HIBADH: variants seen among roughly 807,000 people sequenced by gnomAD.
HIBADH encodes 3-hydroxyisobutyrate dehydrogenase, mitochondrial.
HIBADH carries 25 observed loss-of-function variants against 36.1 expected under a neutral mutation model. The ratio of observed to expected loss-of-function variants is 0.69; its 90% confidence interval spans 0.50 to 0.97. HIBADH has a LOEUF of 0.97. Ranked by LOEUF, HIBADH falls within the 50% of genes least tolerant of loss-of-function variation. The probability of loss-of-function intolerance (pLI) is 0.00; values close to 1 mark genes in which losing one functional copy is unlikely to be tolerated. For missense variants in HIBADH, 421 were observed against 418.0 expected, an observed-to-expected ratio of 1.01 and a Z score of -0.06; for synonymous variants, 160 against 149.5, an observed-to-expected ratio of 1.07 and a Z score of -0.51.
In HIBADH at chr7:27,599,499, G is replaced by A. The variant is rs531047323; in HGVS notation, c.484+29872C>T. ...AGATCGAGACGATCCTGGCTAACAC[G>A]GTGAAACCCCACCTCTACTAAAAAT... On this transcript the variant is annotated intron_variant, in intron 4 of 7. Coordinates refer to ENST00000265395, the MANE Select transcript of HIBADH (RefSeq NM_152740.4). Among the ~76,000 whole-genome samples the A allele has an allele frequency of 4.6e-5, 7 of 151,834 alleles. No homozygotes were observed. In the South Asian group the frequency reaches 1.2e-3, roughly 27 times the overall value.
chr7:27,546,687 G>A (rs1290384982), intron 4 of HIBADH, among the ~76,000 whole-genome samples: 1 of 152,136 alleles, frequency 6.6e-6, no homozygotes, highest in Admixed American at 6.5e-5. Context: ...ATAGTGAATG[G>A]GAAAGACAAG....
intron 5 of HIBADH, among the ~76,000 whole-genome samples, chr7:27,541,230 CG>C (rs1562614950): frequency 6.6e-6 from 1 of 151,432 alleles, no homozygotes; most frequent in Non-Finnish European, 1.5e-5. Context: ...TTCTTAATGG[CG>C]CCTGGGAACT....
intron 7 of HIBADH, among the ~76,000 whole-genome samples, chr7:27,527,551 T>C (rs1206645280): frequency 6.6e-6 from 1 of 152,202 alleles, no homozygotes; most frequent in Non-Finnish European, 1.5e-5. Context: ...CACTTTATCA[T>C]GCTTCACAGA....
At position 27,649,529 on chromosome 7, in the gene HIBADH, T is replaced by C. The variant is rs764785652; in HGVS notation, c.196A>G (p.Ile66Val). 1 of 1,613,948 alleles carries C rather than the reference T, an allele frequency of 6.2e-7. No homozygotes were observed. The highest frequency in any genetic ancestry group is 8.5e-7 in the Non-Finnish European group (1 of 1,179,900). The change falls in exon 2 of 8, where the codon ATT becomes GTT. Residue 66 changes from isoleucine (I) to valine (V), a missense_variant. Coordinates refer to ENST00000265395, the MANE Select transcript of HIBADH (RefSeq NM_152740.4). ...GCATCAGGGAACACATCATAAATAA[T>C]AAGTGGATAGCCATGTTTCATGAGA... Reference protein sequence around the residue: ...KNLMKHGYPLIIYDVFPDACK... With the variant: ...KNLMKHGYPLVIYDVFPDACK...
intron 1 of HIBADH, among the ~76,000 whole-genome samples, chr7:27,652,971 A>G (rs561513057): frequency 2.6e-5 from 4 of 152,096 alleles, no homozygotes; most frequent in Non-Finnish European, 5.9e-5. Context: ...TTTACTAAAA[A>G]TACAAAAATT....
At chr7:27,538,627 A>G (rs372728336) in intron 5 of HIBADH, among the ~76,000 whole-genome samples, 1 of 152,148 alleles carries the variant, frequency 6.6e-6, no homozygotes, top group Non-Finnish European at 1.5e-5. Flanking sequence ...CTCCTCCACT[A>G]GGTAATAAAT....
chr7:27,562,068 G>GT (rs1784475786), intron 4 of HIBADH, among the ~76,000 whole-genome samples: 1 of 152,034 alleles, frequency 6.6e-6, no homozygotes, highest in Non-Finnish European at 1.5e-5. Context: ...ATAAAAATCT[G>GT]TCTTTAATTG....
intron 7 of HIBADH, among the ~76,000 whole-genome samples, chr7:27,530,641 C>G (rs527905102): frequency 6.6e-6 from 1 of 152,070 alleles, no homozygotes; most frequent in Non-Finnish European, 1.5e-5. Flanking sequence ...TAGTTGAGAA[C>G]ATAGACTTTC....
At position 27,612,473 on chromosome 7, in the gene HIBADH, T is replaced by C. The variant is rs116397289; in HGVS notation, c.484+16898A>G. Among the ~76,000 whole-genome samples the C allele has an allele frequency of 4.4e-3, 676 of 152,026 alleles. 7 individuals carry two copies. Among genetic ancestry groups the C allele is most frequent in the African/African-American group, 0.015 (608 of 41,498 alleles). On this transcript the variant is annotated intron_variant, in intron 4 of 7. Coordinates refer to ENST00000265395, the MANE Select transcript of HIBADH (RefSeq NM_152740.4). ...CCCAAGTAGCTGGGATCAAGGTGACTGCCACCACGCCCAGATACTTTTTAT... is the reference window on the plus strand; with the variant it reads ...CCCAAGTAGCTGGGATCAAGGTGACCGCCACCACGCCCAGATACTTTTTAT...
intron 2 of HIBADH, among the ~76,000 whole-genome samples, chr7:27,638,308 C>CAAAAA (rs368715218): frequency 0.019 from 1,029 of 55,342 alleles, 46 homozygotes; most frequent in East Asian, 0.03. Flanking sequence ...TTGGCAAAGT[C>CAAAAA]AAAAAAAAAA....
chr7:27,563,414 G>A (rs1274173233), intron 4 of HIBADH, among the ~76,000 whole-genome samples: 2 of 152,168 alleles, frequency 1.3e-5, no homozygotes, highest in Non-Finnish European at 2.9e-5. Flanking sequence ...AAGGTTTACC[G>A]AGAGGTAGGA....
intron 4 of HIBADH, among the ~76,000 whole-genome samples, chr7:27,619,332 A>G (rs1429706558): frequency 6.6e-6 from 1 of 152,220 alleles, no homozygotes; most frequent in Non-Finnish European, 1.5e-5. Context: ...TAAAAAGTAA[A>G]TTCAAAAATA....
intron 4 of HIBADH, among the ~76,000 whole-genome samples, chr7:27,609,552 G>A (rs1785289197): frequency 6.6e-6 from 1 of 152,122 alleles, no homozygotes; most frequent in South Asian, 2.1e-4. Flanking sequence ...TAACATAATT[G>A]ACCCAGTTCT....
At chr7:27,655,702 T>C (rs1480134569) in intron 1 of HIBADH, among the ~76,000 whole-genome samples, 3 of 151,934 alleles carry the variant, frequency 2.0e-5, no homozygotes, top group South Asian at 2.1e-4. Context: ...GAATAATTTT[T>C]TAAAGTAGGC....
At chr7:27,583,568 C>CGGT (rs1784821364) in intron 4 of HIBADH, among the ~76,000 whole-genome samples, 1 of 151,848 alleles carries the variant, frequency 6.6e-6, no homozygotes, top group Non-Finnish European at 1.5e-5. Flanking sequence ...GTTTCAAAAC[C>CGGT]TGCTTTTACT....
At chr7:27,581,743 G>C (rs1583580428) in intron 4 of HIBADH, among the ~76,000 whole-genome samples, 1 of 151,648 alleles carries the variant, frequency 6.6e-6, no homozygotes, top group Non-Finnish European at 1.5e-5. Flanking sequence ...TCAAAGTTCA[G>C]AAGACTCTGT....
intron 4 of HIBADH, among the ~76,000 whole-genome samples, chr7:27,626,058 G>A (rs1785635934): frequency 8.0e-6 from 1 of 124,664 alleles, no homozygotes; most frequent in Admixed American, 1.1e-4. Flanking sequence ...AGCCAAGATT[G>A]CACCACTGCA....
At chr7:27,649,843 G>C (rs1185969476) in intron 1 of HIBADH, among the ~76,000 whole-genome samples, 1 of 151,084 alleles carries the variant, frequency 6.6e-6, no homozygotes, top group Non-Finnish European at 1.5e-5. Context: ...GAACAGCCTA[G>C]GCAACACAGT....
At position 27,638,308 on chromosome 7, in the gene HIBADH, C is replaced by CAAAAAAAAAAAAAAAAA. The variant is rs368715218; in HGVS notation, c.253-5880_253-5864dup. Among the ~76,000 whole-genome samples, 59 of 55,458 alleles carry CAAAAAAAAAAAAAAAAA rather than the reference C, an allele frequency of 1.1e-3. 2 individuals are homozygous for CAAAAAAAAAAAAAAAAA. Among genetic ancestry groups the CAAAAAAAAAAAAAAAAA allele is most frequent in the African/African-American group, 1.1e-3 (15 of 13,432 alleles). 36.4% of individuals were successfully genotyped at this position (55,458 alleles called of 152,430 possible). Reference sequence around the variant, plus strand: ...ATACCCATCTGATCTTTGGCAAAGTCAAAAAAAAAAAAAAAAAAAAAACAA... The same window carrying CAAAAAAAAAAAAAAAAA: ...ATACCCATCTGATCTTTGGCAAAGTCAAAAAAAAAAAAAAAAAAAAAAAAAAAAAAAAAAAAAAACAA... On this transcript the variant is annotated intron_variant, in intron 2 of 7. Transcript: ENST00000265395.
Sources: allele counts gnomAD v4.1 joint callset (sites outside exome capture counted in the v4.1 genomes callset), GRCh38; gene constraint gnomAD v4.1.1; transcripts MANE v1.5; gene names NCBI Gene and HGNC (gene_info 2026-07-23, HGNC 2026-07-21).